The following SOS1 variants were observed in gnomAD, a reference collection of about 807,000 sequenced individuals.
The protein encoded by SOS1 is son of sevenless homolog 1.
Under a neutral mutation model 157.6 loss-of-function variants are expected in SOS1, and 25 were observed. The ratio of observed to expected loss-of-function variants is 0.16; its 90% CI spans 0.12 to 0.22. The LOEUF (loss-of-function observed/expected upper bound fraction) is 0.22, where lower values mean the gene tolerates loss of function less well. Ranked by LOEUF, SOS1 falls within the 10% of genes least tolerant of loss-of-function variation. SOS1 has a pLI of 1.00. For synonymous variants in SOS1, 528 were observed against 534.0 expected (o/e 0.99, Z 0.16); for missense variants, 1,237 against 1,599.1 (o/e 0.77, Z 3.86).
chr2:39,085,363 A>G (rs908766997), intron 1 of SOS1, among the ~76,000 whole-genome samples: 2 of 152,172 alleles, frequency 1.3e-5, no homozygotes, highest in African/African-American at 4.8e-5. Flanking sequence ...ACCCTATTTT[A>G]AGTTTCAACC....
chr2:39,118,623 G>A (rs1004545083), intron 1 of SOS1, among the ~76,000 whole-genome samples: 1 of 152,192 alleles, frequency 6.6e-6, no homozygotes, highest in Non-Finnish European at 1.5e-5. Context: ...TACATGACCT[G>A]TCTAAAGAAG....
At chr2:38,992,718 T>TA (rs1037653080) in intron 20 of SOS1, 11 of 152,340 alleles carry the variant, frequency 7.2e-5, no homozygotes, top group African/African-American at 2.6e-4. Flanking sequence ...TGAGAATCCT[T>TA]AATGATACAG....
In SOS1 at chr2:38,983,541, C is replaced by T. The variant is rs1441641333; in HGVS notation, c.*2283G>A. On this transcript the variant is annotated 3_prime_UTR_variant, in exon 23 of 23. Transcript: ENST00000402219. ...AGAACTCCAAATCTGAATTTTTCCT[C>T]TTTATAGACTAGATAGGTTGAAAAG... 3 of 149,462 alleles carry T rather than the reference C, an allele frequency of 2.0e-5. No homozygotes were observed. The highest frequency in any genetic ancestry group is 3.0e-5 in the Non-Finnish European group (2 of 67,246). 9.3% of individuals were successfully genotyped at this position (149,462 alleles called of 1,614,324 possible).
chr2:39,060,722 G>A (rs1052538869), intron 2 of SOS1, among the ~76,000 whole-genome samples: 1 of 152,166 alleles, frequency 6.6e-6, no homozygotes, highest in Non-Finnish European at 1.5e-5. Flanking sequence ...ACTGTGCCCG[G>A]CCTGTTTTAT....
chr2:39,035,579 G>T, intron 6 of SOS1, 79 bp from the exon 7 acceptor site: 1 of 998,322 alleles, frequency 1.0e-6, no homozygotes, highest in Non-Finnish European at 1.6e-6. Context: ...GCACGACTAT[G>T]CGAGCACAAT....
intron 10 of SOS1, among the ~76,000 whole-genome samples, chr2:39,017,728 C>T (rs1669673267): frequency 6.6e-6 from 1 of 151,870 alleles, no homozygotes; most frequent in Admixed American, 6.6e-5. Context: ...TAGTCTAAAG[C>T]AATGAAAAAT....
intron 20 of SOS1, among the ~76,000 whole-genome samples, chr2:38,992,125 G>A (rs1420156916): frequency 1.3e-5 from 2 of 152,172 alleles, no homozygotes; most frequent in Non-Finnish European, 2.9e-5. Flanking sequence ...CACTCTGGTG[G>A]CAAAACAGTG....
intron 2 of SOS1, among the ~76,000 whole-genome samples, chr2:39,059,014 A>G (rs1206799969): frequency 6.6e-6 from 1 of 152,128 alleles, no homozygotes; most frequent in South Asian, 2.1e-4. Flanking sequence ...CATTCTTTCT[A>G]TTATCTAGGG....
In SOS1 at chr2:39,051,305, C is replaced by T. The variant is rs1163320814; in HGVS notation, c.721-18G>A. 6.2e-7 allele frequency: 1 copy of T among 1,604,892 alleles called. No individual in the cohort carries two copies. Among genetic ancestry groups the T allele is most frequent in the Non-Finnish European group, 8.5e-7 (1 of 1,172,478 alleles). On this transcript the variant is annotated intron_variant, in intron 5 of 22. Coordinates refer to ENST00000402219, the MANE Select transcript of SOS1 (RefSeq NM_005633.4). ...TCTACATCCTGTTTGGGGGAAAACA[C>T]ATTAATTCAGTGAGGCTGTATTATT... is the stretch of plus-strand genomic sequence containing the variant.
In SOS1 at chr2:38,981,948, T is replaced by G. The variant is rs1668411177; in HGVS notation, c.*3876A>C. On this transcript the variant is annotated 3_prime_UTR_variant, in exon 23 of 23. Transcript: ENST00000402219. ...CCCGACCCCAAATGCTGACTTGATCTGAAGAAAAAAATTAGAGATGTTCTT... is the reference window on the plus strand; with the variant it reads ...CCCGACCCCAAATGCTGACTTGATCGGAAGAAAAAAATTAGAGATGTTCTT... 1 of 152,140 alleles carries G rather than the reference T, an allele frequency of 6.6e-6. No individual in the cohort carries two copies. The highest frequency in any genetic ancestry group is 2.1e-4 in the South Asian group (1 of 4,832). 9.4% of individuals were successfully genotyped at this position (152,140 alleles called of 1,614,324 possible). A position where few individuals can be genotyped will look rare whatever the true frequency, so the allele number is the denominator to read the frequency against.
chr2:39,113,774 T>G (rs1278215768), intron 1 of SOS1, among the ~76,000 whole-genome samples: 1 of 152,210 alleles, frequency 6.6e-6, no homozygotes, highest in East Asian at 1.9e-4. Context: ...TATTAGCTCC[T>G]TCCTCAAAGG....
intron 1 of SOS1, among the ~76,000 whole-genome samples, chr2:39,089,141 T>A (rs1018855977): frequency 6.6e-6 from 1 of 152,176 alleles, no homozygotes; most frequent in African/African-American, 2.4e-5. Flanking sequence ...AGAGATCATA[T>A]TCTTCATAAA....
Position 39,074,274 on chromosome 2 carries a change from C to T in SOS1, c.88-6521G>A, listed in dbSNP as rs183878989. The stretch of plus-strand genomic sequence containing the variant: ...CTGAGACAGGAGAATCGCTTGAACC[C>T]GGGAGGCAGAGGCTGCAGTGAGCTG... On this transcript the variant is annotated intron_variant, in intron 1 of 22. Coordinates refer to ENST00000402219, the MANE Select transcript of SOS1 (RefSeq NM_005633.4). Among the ~76,000 whole-genome samples the T allele has an allele frequency of 6.0e-3, 898 of 150,508 alleles. 4 individuals carry two copies. Among genetic ancestry groups the T allele is most frequent in the Middle Eastern group, 0.01 (3 of 294 alleles).
chr2:39,018,808 CAT>C (rs1290188021), intron 10 of SOS1, among the ~76,000 whole-genome samples: 4 of 151,642 alleles, frequency 2.6e-5, no homozygotes, highest in Non-Finnish European at 4.4e-5. Flanking sequence ...TTAATGCAGC[CAT>C]TTAAAAAGCT....
At chr2:39,109,822 A>C (rs1673345813) in intron 1 of SOS1, among the ~76,000 whole-genome samples, 1 of 152,212 alleles carries the variant, frequency 6.6e-6, no homozygotes, top group African/African-American at 2.4e-5. Flanking sequence ...ACTCAATAAA[A>C]TACTATCTGC....
chr2:39,060,669 C>T (rs1671370426), intron 2 of SOS1, among the ~76,000 whole-genome samples: 1 of 152,168 alleles, frequency 6.6e-6, no homozygotes, highest in South Asian at 2.1e-4. Flanking sequence ...AGGTGATCCA[C>T]CCACCTCAGC....
rs574804736 is a variant in SOS1, at chr2:38,986,408, T to A, written c.3511-93A>T. 3.4e-6 allele frequency: 4 copies of A among 1,173,446 alleles called. No individual in the cohort carries two copies. In the South Asian group the frequency reaches 5.4e-5, roughly 16 times the overall value. The allele number at this position is 1,173,446 out of a possible 1,614,324, so 72.7% of individuals were successfully genotyped here. A position where few individuals can be genotyped will look rare whatever the true frequency, so the allele number is the denominator to read the frequency against. On this transcript the variant is annotated intron_variant, in intron 22 of 22. Transcript: ENST00000402219. Reference sequence around the variant, plus strand: ...TAAGTTGGGGTTTTCAAACATGCTATTGGCAGGATGCTAAGTGTGGAACAG... The same window carrying A: ...TAAGTTGGGGTTTTCAAACATGCTAATGGCAGGATGCTAAGTGTGGAACAG...
At chr2:39,050,929 ATCTG>A (rs1189129293) in intron 6 of SOS1, among the ~76,000 whole-genome samples, 1 of 152,096 alleles carries the variant, frequency 6.6e-6, no homozygotes, top group Non-Finnish European at 1.5e-5. Flanking sequence ...CCTTGGCGGT[ATCTG>A]TCTTTCTATA....
intron 1 of SOS1, among the ~76,000 whole-genome samples, chr2:39,112,466 G>A (rs1332972592): frequency 6.6e-6 from 1 of 151,934 alleles, no homozygotes; most frequent in Non-Finnish European, 1.5e-5. Flanking sequence ...CCAGGCTTTT[G>A]TTTTGTTTTG....
Sources: allele counts gnomAD v4.1 joint callset (sites outside exome capture counted in the v4.1 genomes callset), GRCh38; gene constraint gnomAD v4.1.1; transcripts MANE v1.5; gene names NCBI Gene and HGNC (gene_info 2026-07-23, HGNC 2026-07-21).